FLVCR2: variants seen among roughly 807,000 people sequenced by gnomAD.
The protein encoded by FLVCR2 is FLVCR choline and putative heme transporter 2, also known as choline/ethanolamine transporter FLVCR2.
In FLVCR2, 38 loss-of-function variants were observed where a neutral mutation model predicts 48.9. The observed-to-expected ratio is 0.78, with a 90% CI of 0.60 to 1.02. The LOEUF is 1.02. Among genes scored for constraint, FLVCR2 ranks in the 50% least tolerant of loss-of-function variants. The pLI is 0.00. For missense variants in FLVCR2, 664 were observed against 663.3 expected, an observed-to-expected ratio of 1.00 and a Z score of -0.01; for synonymous variants, 255 against 257.0, an observed-to-expected ratio of 0.99 and a Z score of 0.07.
At chr14:75,638,918 T>C (rs1890234840) in intron 5 of FLVCR2, among the ~76,000 whole-genome samples, 1 of 152,152 alleles carries the variant, frequency 6.6e-6, no homozygotes, top group African/African-American at 2.4e-5. Flanking sequence ...TGAAAGAAAA[T>C]GTCCAAGAAC....
chr14:75,608,659 C>T (rs993139888), intron 1 of FLVCR2, among the ~76,000 whole-genome samples: 4 of 152,168 alleles, frequency 2.6e-5, no homozygotes, highest in Non-Finnish European at 5.9e-5. Flanking sequence ...AAATGGGGAT[C>T]GGTAGGGCTT....
chr14:75,645,036 GTGTGTGTGT>G (rs762720179), intron 9 of FLVCR2, among the ~76,000 whole-genome samples: 10,154 of 146,482 alleles, frequency 0.069, 633 homozygotes, highest in East Asian at 0.32. Flanking sequence ...CGGGCGTGGT[GTGTGTGTGT>G]GTGTGTGTGT....
chr14:75,597,254 C>CTGAGCTA (rs1474183478), intron 1 of FLVCR2, among the ~76,000 whole-genome samples: 3 of 148,506 alleles, frequency 2.0e-5, no homozygotes, highest in African/African-American at 7.5e-5. Context: ...GCACTCCAAT[C>CTGAGCTA]TGAGCTATAG....
chr14:75,599,944 A>G (rs1235046224), intron 1 of FLVCR2, among the ~76,000 whole-genome samples: 1 of 152,162 alleles, frequency 6.6e-6, no homozygotes, highest in Non-Finnish European at 1.5e-5. Context: ...CGTTTGAACA[A>G]GAGCGACTCC....
chr14:75,588,774 T>C (rs1888813442), intron 1 of FLVCR2, among the ~76,000 whole-genome samples: 1 of 152,222 alleles, frequency 6.6e-6, no homozygotes, highest in African/African-American at 2.4e-5. Flanking sequence ...CCACTGCACC[T>C]GGCCCCCCAA....
intron 1 of FLVCR2, chr14:75,605,873 A>C: frequency 1.9e-6 from 1 of 515,654 alleles, no homozygotes; most frequent in Admixed American, 3.2e-5. Flanking sequence ...TCTCCCCTGG[A>C]AACTCCTGAT....
At chr14:75,596,085 C>A in intron 1 of FLVCR2, 3 of 1,123,500 alleles carry the variant, frequency 2.7e-6, no homozygotes. Context: ...TAGTTTTTCC[C>A]AAATTTCTGT....
chr14:75,616,203 T>C (rs1032404004), intron 1 of FLVCR2, among the ~76,000 whole-genome samples: 1 of 151,652 alleles, frequency 6.6e-6, no homozygotes, highest in African/African-American at 2.4e-5. Context: ...GTCATGATCC[T>C]GTAGTTCCAG....
At chr14:75,623,243 A>G (rs1370049444) in intron 2 of FLVCR2, among the ~76,000 whole-genome samples, 3 of 152,126 alleles carry the variant, frequency 2.0e-5, no homozygotes, top group African/African-American at 7.2e-5. Context: ...CAGCCTCCCA[A>G]AGTGCTGGGA....
At chr14:75,645,036 GTGTGTGTGTGTGTGTGT>G (rs1890388390) in intron 9 of FLVCR2, among the ~76,000 whole-genome samples, 10 of 146,712 alleles carry the variant, frequency 6.8e-5, no homozygotes, top group African/African-American at 1.8e-4. Context: ...CGGGCGTGGT[GTGTGTGTGTGTGTGTGT>G]GTGTGTGTGT....
chr14:75,605,238 A>G (rs1889262573), intron 1 of FLVCR2, among the ~76,000 whole-genome samples: 1 of 152,214 alleles, frequency 6.6e-6, no homozygotes, highest in South Asian at 2.1e-4. Context: ...GATTAAAACA[A>G]CAACCACCAC....
Position 75,647,192 on chromosome 14 carries a change from G to A in FLVCR2, c.*720G>A, listed in dbSNP as rs1890440864. The A allele has an allele frequency of 1.3e-5, 2 of 152,566 alleles. 1 individual carries two copies. Among genetic ancestry groups the A allele is most frequent in the South Asian group, 4.1e-4 (2 of 4,836 alleles). 9.5% of individuals were successfully genotyped at this position (152,566 alleles called of 1,614,324 possible). ...GATCATGCTGGGGGCTACCTTCTGA[G>A]TATATTTGTGAAAGCACATATTTGG... On this transcript the variant is annotated 3_prime_UTR_variant, in exon 10 of 10. Coordinates refer to ENST00000238667, the MANE Select transcript of FLVCR2 (RefSeq NM_017791.3).
At chr14:75,646,297 G>A in intron 9 of FLVCR2, 104 bp from the exon 10 acceptor site, 2 of 783,398 alleles carry the variant, frequency 2.6e-6, no homozygotes, top group Non-Finnish European at 4.5e-6. Flanking sequence ...GTGGCCCCCG[G>A]CTCTTGTATT....
rs1344845805 is a variant in FLVCR2, at chr14:75,622,214, A to G, written c.805A>G (p.Ile269Val). 8 of 1,613,952 alleles carry G rather than the reference A, an allele frequency of 5.0e-6. No individual in the cohort carries two copies. The highest frequency in any genetic ancestry group is 2.2e-5 in the South Asian group (2 of 91,076). ...GVATLLLILV[I>V]IVFKEKPKYP... ...GGCCACTCTCCTCCTCATCCTTGTCATCATTGGTAAGGTCATTAGTAAACA... is the reference window on the plus strand; with the variant it reads ...GGCCACTCTCCTCCTCATCCTTGTCGTCATTGGTAAGGTCATTAGTAAACA... Residue 269 changes from isoleucine (I) to valine (V), a missense_variant, in exon 2 of 10, where the codon ATC becomes GTC. Physicochemically the swap from Ile to Val is conservative, Grantham distance 29. Transcript: ENST00000238667.
chr14:75,632,168 GC>G (rs1890059165), intron 3 of FLVCR2, among the ~76,000 whole-genome samples: 1 of 152,232 alleles, frequency 6.6e-6, no homozygotes, highest in Non-Finnish European at 1.5e-5. Context: ...GAAATCTGGA[GC>G]CACAGGGCCT....
At chr14:75,597,360 C>T (rs575786183) in intron 1 of FLVCR2, among the ~76,000 whole-genome samples, 3 of 152,102 alleles carry the variant, frequency 2.0e-5, no homozygotes, top group Non-Finnish European at 2.9e-5. Context: ...AATTTCAGTT[C>T]TGCTTTCTCC....
Position 75,641,700 on chromosome 14 carries a change from T to C in FLVCR2, c.1454-143T>C, listed in dbSNP as rs1890311397. 5.2e-6 allele frequency: 4 copies of C among 776,298 alleles called. No homozygotes were observed. The South Asian group carries it at 5.8e-5, about 11-fold the overall frequency. The allele number at this position is 776,298 out of a possible 1,614,324, so 48.1% of individuals were successfully genotyped here. A position where few individuals can be genotyped will look rare whatever the true frequency, so the allele number is the denominator to read the frequency against. ...CCTCGGGCTCTCTCAAATTGGCTGATGGTGCCCTCAGTCACCAGCTCTCTT... is the reference window on the plus strand; with the variant it reads ...CCTCGGGCTCTCTCAAATTGGCTGACGGTGCCCTCAGTCACCAGCTCTCTT... On this transcript the variant is annotated intron_variant, in intron 8 of 9. Coordinates refer to ENST00000238667, the MANE Select transcript of FLVCR2 (RefSeq NM_017791.3).
At position 75,578,684 on chromosome 14, in the gene FLVCR2, T is replaced by TG. The variant is rs1214113993; in HGVS notation, c.-285dup. On this transcript the variant is annotated 5_prime_UTR_variant, in exon 1 of 10. Transcript: ENST00000238667. ...CTTTTCCTGCACAAGGAACGCCTCG[T>TG]GGGGAGACCCAAGGCAGGAGCGGTC... 19 of 531,214 alleles carry TG rather than the reference T, an allele frequency of 3.6e-5. No homozygotes were observed. The highest frequency in any genetic ancestry group is 4.4e-5 in the Non-Finnish European group (13 of 295,708). The allele number at this position is 531,214 out of a possible 1,614,324, so 32.9% of individuals were successfully genotyped here.
intron 9 of FLVCR2, among the ~76,000 whole-genome samples, chr14:75,645,527 T>A (rs1269392749): frequency 1.3e-5 from 2 of 152,218 alleles, no homozygotes; most frequent in Non-Finnish European, 2.9e-5. Flanking sequence ...TTCCTGTAAA[T>A]GAATCCTGTG....
Sources: gnomAD v4.1 joint callset for allele counts (sites outside exome capture counted in the v4.1 genomes callset) on GRCh38, gnomAD v4.1.1 for gene constraint, MANE v1.5 for transcripts, NCBI Gene and HGNC (gene_info 2026-07-23, HGNC 2026-07-21) for gene names.